The following KIAA0586 variants were observed in gnomAD, a reference collection of about 807,000 sequenced individuals.
KIAA0586 encodes the protein KIAA0586.
KIAA0586 carries 144 observed loss-of-function variants against 169.8 expected under a neutral mutation model. The observed-to-expected ratio is 0.85, with a 90% CI of 0.74 to 0.97. The LOEUF is 0.97. Among genes scored for constraint, KIAA0586 ranks in the 50% least tolerant of loss-of-function variants. The pLI is 0.00. For synonymous variants in KIAA0586, 625 were observed against 612.4 expected, an observed-to-expected ratio of 1.02 and a Z score of -0.30; for missense variants, 1,854 against 1,823.0, an observed-to-expected ratio of 1.02 and a Z score of -0.31.
intron 19 of KIAA0586, 49 bp from the exon 20 acceptor site, chr14:58,477,074 C>A: frequency 3.0e-6 from 3 of 1,009,034 alleles, no homozygotes; most frequent in South Asian, 1.4e-5. Flanking sequence ...TTTTACATTT[C>A]AATCAAATTG....
intron 17 of KIAA0586, among the ~76,000 whole-genome samples, chr14:58,471,319 A>C (rs376567464): frequency 6.6e-6 from 1 of 152,252 alleles, no homozygotes; most frequent in African/African-American, 2.4e-5. Context: ...TTTGATTTAC[A>C]TGGGAATTAT....
intron 27 of KIAA0586, 108 bp from the exon 28 acceptor site, chr14:58,508,447 C>A: frequency 1.2e-6 from 1 of 843,494 alleles, no homozygotes; most frequent in Non-Finnish European, 1.8e-6. Context: ...ACTGCTAGTT[C>A]TAATTCAGCA....
At chr14:58,443,070 TG>T (rs1008509005) in intron 5 of KIAA0586, among the ~76,000 whole-genome samples, 190 bp downstream of exon 5, 9 of 152,262 alleles carry the variant, frequency 5.9e-5, no homozygotes, top group Non-Finnish European at 1.2e-4. Context: ...CCTCTAATAC[TG>T]TGATGGCACT....
At chr14:58,482,015 T>C (rs2042060173) in intron 20 of KIAA0586, among the ~76,000 whole-genome samples, 1 of 147,224 alleles carries the variant, frequency 6.8e-6, no homozygotes, top group African/African-American at 2.5e-5. Flanking sequence ...GGTTTCACCA[T>C]GTTAGCCAGG....
intron 29 of KIAA0586, among the ~76,000 whole-genome samples, chr14:58,518,104 CT>C (rs1300599483): frequency 6.6e-6 from 1 of 152,078 alleles, no homozygotes; most frequent in East Asian, 1.9e-4. Context: ...ATAAATTATA[CT>C]TCAATAAAAT....
chr14:58,499,586 T>C (rs1178862516), intron 27 of KIAA0586, among the ~76,000 whole-genome samples: 1 of 148,846 alleles, frequency 6.7e-6, no homozygotes, highest in African/African-American at 2.5e-5. Flanking sequence ...GGAGACGGAG[T>C]CTTGCTTTGT....
intron 3 of KIAA0586, 150 bp from the exon 4 acceptor site, chr14:58,432,238 C>T: frequency 1.8e-6 from 1 of 565,640 alleles, no homozygotes; most frequent in Non-Finnish European, 3.1e-6. Flanking sequence ...TACTTAATCA[C>T]TTAATTTGTT....
intron 29 of KIAA0586, among the ~76,000 whole-genome samples, chr14:58,515,385 C>T (rs2044677044): frequency 6.6e-6 from 1 of 152,086 alleles, no homozygotes; most frequent in Non-Finnish European, 1.5e-5. Flanking sequence ...GAAAATTTAG[C>T]ACCTTTTATA....
intron 16 of KIAA0586, among the ~76,000 whole-genome samples, chr14:58,470,335 A>G (rs1014142259): frequency 1.3e-5 from 2 of 152,148 alleles, no homozygotes; most frequent in African/African-American, 4.8e-5. Context: ...TTAGTTATGT[A>G]TAAGTAGATA....
chr14:58,536,985 C>A (rs753675490), intron 29 of KIAA0586: 5 of 1,244,882 alleles, frequency 4.0e-6, no homozygotes, highest in Non-Finnish European at 4.2e-6. Flanking sequence ...ACTTCAATAC[C>A]AGTATTATGT....
At chr14:58,518,743 A>G (rs532157455) in intron 29 of KIAA0586, among the ~76,000 whole-genome samples, 155 of 152,298 alleles carry the variant, frequency 1.0e-3, no homozygotes, top group Non-Finnish European at 1.9e-3. Context: ...CATCTTTCTG[A>G]GTTCTTACTG....
the KIAA0586 span, among the ~76,000 whole-genome samples, chr14:58,560,080 G>A: frequency 6.6e-6 from 1 of 151,912 alleles, no homozygotes; most frequent in South Asian, 2.1e-4. Flanking sequence ...GAACCTGGGA[G>A]GCGGAGGTTG....
intron 4 of KIAA0586, 33 bp from the exon 5 acceptor site, chr14:58,442,673 C>A: frequency 7.1e-7 from 1 of 1,411,176 alleles, no homozygotes; most frequent in South Asian, 1.3e-5. Context: ...ATGTAGTTTA[C>A]TGAATACATT....
intron 24 of KIAA0586, among the ~76,000 whole-genome samples, chr14:58,489,223 A>ATTT (rs5808974): frequency 0.57 from 76,475 of 134,898 alleles, 22,659 homozygotes; most frequent in African/African-American, 0.66. Context: ...TGAAACCTGA[A>ATTT]TTTTTTTTTT....
At chr14:58,526,387 G>T (rs2045585533) in intron 29 of KIAA0586, among the ~76,000 whole-genome samples, 1 of 152,142 alleles carries the variant, frequency 6.6e-6, no homozygotes. Context: ...TTGCTGTTTG[G>T]CAGACTCTGC....
intron 5 of KIAA0586, among the ~76,000 whole-genome samples, chr14:58,443,588 T>C (rs1309214161): frequency 2.6e-5 from 4 of 152,090 alleles, no homozygotes; most frequent in Non-Finnish European, 5.9e-5. Context: ...CATGCCTGGC[T>C]AATTTTTTGT....
intron 26 of KIAA0586, among the ~76,000 whole-genome samples, chr14:58,496,856 A>C (rs912915452): frequency 3.3e-5 from 5 of 152,218 alleles, no homozygotes; most frequent in African/African-American, 1.2e-4. Flanking sequence ...ATTAATTAGA[A>C]TATCTCAAGT....
chr14:58,536,522 A>G (rs2140063773), intron 29 of KIAA0586, among the ~76,000 whole-genome samples: 1 of 152,310 alleles, frequency 6.6e-6, no homozygotes, highest in East Asian at 1.9e-4. Context: ...AAAAATACCA[A>G]TTTTTGAAAA....
Position 58,487,948 on chromosome 14 carries a change from T to A in KIAA0586, c.3366T>A (p.Pro1122=), listed in dbSNP as rs997858686. The A allele has an allele frequency of 1.9e-6, 3 of 1,613,692 alleles. No homozygotes were observed. The highest frequency in any genetic ancestry group is 2.2e-5 in the East Asian group (1 of 44,816). Residue 1122 remains proline, a synonymous_variant, in exon 23 of 31, where the codon CCT becomes CCA. Transcript: ENST00000652326. ...NTPTVTPTTT[P]PPAAAVFTPT... ...CAACAGTTACCCCTACTACTACACC[T>A]CCTCCAGCGGCGGCAGTTTTTACCC...
Sources: allele counts gnomAD v4.1 joint callset (sites outside exome capture counted in the v4.1 genomes callset), GRCh38; gene constraint gnomAD v4.1.1; transcripts MANE v1.5; gene names NCBI Gene and HGNC (gene_info 2026-07-23, HGNC 2026-07-21).